Variants in UBAP1L observed in about 807,000 individuals in gnomAD.
UBAP1L encodes ubiquitin associated protein 1 like.
A neutral mutation model predicts 32.1 loss-of-function variants in UBAP1L; 32 were observed. The observed-to-expected ratio is 1.00, with a 90% CI of 0.75 to 1.34. UBAP1L has a LOEUF of 1.34. UBAP1L is among the 40% of genes most tolerant of loss of function. The probability of loss-of-function intolerance (pLI) is 0.00; values close to 1 mark genes in which losing one functional copy is unlikely to be tolerated. For missense variants in UBAP1L, 516 were observed against 540.5 expected, an observed-to-expected ratio of 0.95 and a Z score of 0.45; for synonymous variants, 243 against 250.2, an observed-to-expected ratio of 0.97 and a Z score of 0.27.
intron 4 of UBAP1L, 91 bp downstream of exon 4, chr15:65,099,414 G>A: frequency 7.4e-7 from 1 of 1,348,944 alleles, no homozygotes; most frequent in South Asian, 1.4e-5. Flanking sequence ...GCTGTTGTTG[G>A]GCCTATGTCA....
chr15:65,100,577 T>C (rs1464299282), intron 3 of UBAP1L: 1 of 152,240 alleles, frequency 6.6e-6, no homozygotes, highest in Non-Finnish European at 1.5e-5. Context: ...GGCATTTCCA[T>C]TGGTTTGGCC....
intron 4 of UBAP1L, chr15:65,096,712 G>A (rs1378940257): frequency 1.3e-5 from 2 of 152,340 alleles, no homozygotes; most frequent in Non-Finnish European, 2.9e-5. Flanking sequence ...GGCTAAAAGA[G>A]GGGGCCTGGC....
intron 3 of UBAP1L, chr15:65,101,494 C>G (rs2140562662): frequency 6.6e-6 from 1 of 152,432 alleles, no homozygotes; most frequent in East Asian, 1.9e-4. Context: ...CCTGACGCTC[C>G]CTCAACACCT....
chr15:65,108,415 T>C (rs1261281989), intron 1 of UBAP1L, among the ~76,000 whole-genome samples: 2 of 152,172 alleles, frequency 1.3e-5, no homozygotes, highest in East Asian at 3.8e-4. Flanking sequence ...ACTATATTCA[T>C]GGCCTTGTAA....
intron 1 of UBAP1L, among the ~76,000 whole-genome samples, chr15:65,112,940 A>G (rs1295690842): frequency 6.6e-6 from 1 of 152,152 alleles, no homozygotes; most frequent in African/African-American, 2.4e-5. Context: ...TTTCAGGCTA[A>G]CTCCACTGCT....
At chr15:65,100,483 G>T (rs906470036) in intron 3 of UBAP1L, 2 of 152,264 alleles carry the variant, frequency 1.3e-5, no homozygotes, top group African/African-American at 4.8e-5. Context: ...ATTTGGTTGG[G>T]CTGGGGTTTG....
rs1468572172 is a variant in UBAP1L, at chr15:65,102,326, C to T, written c.479G>A (p.Arg160Gln). ...GACCAGCTTCCCCTCGGAGAGCCGC[C>T]GCCGCGCCCCTGCCAGCTCCAACCG... ...GVRLELAGAR[R>Q]RLSEGKLVSR... Residue 160 changes from arginine to glutamine, a missense_variant, in exon 3 of 6, where the codon CGG becomes CAG. Transcript: ENST00000559089. The surrounding 1 kb of genome is among the most constrained non-coding windows in gnomAD (Gnocchi z 5.0). 26 of 1,447,518 alleles carry T rather than the reference C, an allele frequency of 1.8e-5. No individual in the cohort carries two copies. The highest frequency in any genetic ancestry group is 2.3e-5 in the Non-Finnish European group (25 of 1,107,638). 89.7% of individuals were successfully genotyped at this position (1,447,518 alleles called of 1,614,324 possible).
chr15:65,105,805 T>C, intron 2 of UBAP1L: 1 of 708,124 alleles, frequency 1.4e-6, no homozygotes, highest in Non-Finnish European at 2.6e-6. Context: ...GCTGAATTTG[T>C]TTTTGAGACG....
chr15:65,102,525 T>C lies in UBAP1L; in HGVS notation c.280A>G (p.Ile94Val), dbSNP rs1433453542. 2.0e-6 allele frequency: 3 copies of C among 1,493,322 alleles called. No homozygotes were observed. The highest frequency in any genetic ancestry group is 1.3e-5 in the South Asian group (1 of 76,774). The allele number at this position is 1,493,322 out of a possible 1,614,324, so 92.5% of individuals were successfully genotyped here. Reference sequence around the variant, plus strand: ...TGGTGTCCGGCCTCCGGGTCTCTGATTGTGGTGGGCGCAGGCGCCAGCCCA... The same window carrying C: ...TGGTGTCCGGCCTCCGGGTCTCTGACTGTGGTGGGCGCAGGCGCCAGCCCA... ...EHGLAPAPTT[I>V]RDPEAGHQER... The change falls in exon 3 of 6, where the codon ATC becomes GTC. Residue 94 changes from isoleucine to valine, a missense_variant. By Grantham distance (29) the Ile-to-Val change is conservative. Transcript: ENST00000559089. This position sits in a 1 kb window ranked among gnomAD's most constrained non-coding sequence, Gnocchi z 5.0.
chr15:65,107,841 C>T lies in UBAP1L; in HGVS notation c.-173-1453G>A, dbSNP rs149063082. On this transcript the variant is annotated intron_variant, in intron 1 of 5. Transcript: ENST00000559089. Reference sequence around the variant, plus strand: ...ACACAAGATGTATGAGACCGCTACACGGAAAACTATAAAACATTTGGTTAA... The same window carrying T: ...ACACAAGATGTATGAGACCGCTACATGGAAAACTATAAAACATTTGGTTAA... 1.8e-3 allele frequency among the ~76,000 whole-genome samples: 280 copies of T among 151,834 alleles called. 2 individuals carry two copies. The highest frequency in any genetic ancestry group is 6.5e-3 in the African/African-American group (268 of 41,378).
At position 65,094,767 on chromosome 15, in the gene UBAP1L, T is replaced by C. The variant is rs1027313848; in HGVS notation, c.910-191A>G. 11 of 607,000 alleles carry C rather than the reference T, an allele frequency of 1.8e-5. No individual in the cohort carries two copies. Among genetic ancestry groups the C allele is most frequent in the Admixed American group, 5.3e-5 (2 of 37,532 alleles). 37.6% of individuals were successfully genotyped at this position (607,000 alleles called of 1,614,324 possible). ...GAGGCTTTCTCTGAGTGCCTGGCGA[T>C]AGGCAGACAATGGGTCTTCACCAAC... is the stretch of plus-strand genomic sequence containing the variant. On this transcript the variant is annotated intron_variant, in intron 4 of 5. Transcript: ENST00000559089. The surrounding 1 kb of genome is among the most constrained non-coding windows in gnomAD (Gnocchi z 4.2).
At chr15:65,114,926 T>C (rs372287023) in intron 1 of UBAP1L, among the ~76,000 whole-genome samples, 1 of 152,214 alleles carries the variant, frequency 6.6e-6, no homozygotes, top group Non-Finnish European at 1.5e-5. Context: ...GGAACTACTA[T>C]GTGGATTCAC....
chr15:65,102,027 T>C lies in UBAP1L; in HGVS notation c.699+79A>G. ...AGCGCGTGGAGTAGGGGACCGAGGC[T>C]GCGGGCTGGGCTGGACACCCAGATT... On this transcript the variant is annotated intron_variant, in intron 3 of 5. Transcript: ENST00000559089. This position sits in a 1 kb window ranked among gnomAD's most constrained non-coding sequence, Gnocchi z 5.0. The C allele has an allele frequency of 1.7e-6, 1 of 589,768 alleles. No homozygotes were observed. The highest frequency in any genetic ancestry group is 2.4e-6 in the Non-Finnish European group (1 of 413,206). The allele number at this position is 589,768 out of a possible 1,614,324, so 36.5% of individuals were successfully genotyped here.
intron 4 of UBAP1L, 119 bp downstream of exon 4, chr15:65,099,386 G>A: frequency 9.3e-7 from 1 of 1,072,088 alleles, no homozygotes; most frequent in Non-Finnish European, 1.3e-6. Flanking sequence ...ATGCTCCAGA[G>A]CTGTGGGGTT....
Position 65,094,349 on chromosome 15 carries a change from C to T in UBAP1L, c.1011+126G>A. ...TCAGAGCTGAGGAGTCAGGCAATCT[C>T]CCGACAGACCCACAGGCTGGACCCA... is the stretch of plus-strand genomic sequence containing the variant. On this transcript the variant is annotated intron_variant, in intron 5 of 5. Coordinates refer to ENST00000559089, the MANE Select transcript of UBAP1L (RefSeq NM_001163692.2). The surrounding 1 kb of genome is among the most constrained non-coding windows in gnomAD (Gnocchi z 4.2). The T allele has an allele frequency of 1.5e-6, 1 of 650,668 alleles. No homozygotes were observed. The highest frequency in any genetic ancestry group is 2.0e-5 in the South Asian group (1 of 50,560). The allele number at this position is 650,668 out of a possible 1,614,324, so 40.3% of individuals were successfully genotyped here.
intron 1 of UBAP1L, among the ~76,000 whole-genome samples, chr15:65,109,249 C>T (rs1218452998): frequency 2.0e-5 from 3 of 151,084 alleles, no homozygotes; most frequent in Admixed American, 6.6e-5. Context: ...CTTTGGAGGC[C>T]GAGGTGGGCG....
In UBAP1L at chr15:65,108,795, CACA is replaced by C. The variant is rs570733822; in HGVS notation, c.-173-2410_-173-2408del. On this transcript the variant is annotated intron_variant, in intron 1 of 5. Transcript: ENST00000559089. ...AATAAATAAATTAAATTTAAAAAAA[CACA>C]ACAACAACAACTCCAAAAGAGACTA... 4.3e-3 allele frequency among the ~76,000 whole-genome samples: 644 copies of C among 151,046 alleles called. 3 individuals carry two copies. Among genetic ancestry groups the C allele is most frequent in the Non-Finnish European group, 7.8e-3 (531 of 67,738 alleles).
At chr15:65,099,470 A>G (rs980904874) in intron 4 of UBAP1L, 35 bp downstream of exon 4, 1 of 1,542,832 alleles carries the variant, frequency 6.5e-7, no homozygotes. Flanking sequence ...TGGCTCCAGC[A>G]TCACAGCTCA....
chr15:65,097,770 A>G (rs535872688), intron 4 of UBAP1L: 1 of 152,302 alleles, frequency 6.6e-6, no homozygotes, highest in South Asian at 2.1e-4. Flanking sequence ...GTAGAGTAGA[A>G]GCAGGAGTGG....
Sources: gnomAD v4.1 joint callset for allele counts (sites outside exome capture counted in the v4.1 genomes callset) on GRCh38, gnomAD v4.1.1 for gene constraint, Gnocchi (gnomAD v3.1) non-coding constraint, MANE v1.5 for transcripts, NCBI Gene and HGNC (gene_info 2026-07-23, HGNC 2026-07-21) for gene names.